Variants in CPNE5 observed in about 807,000 individuals in gnomAD.
CPNE5 encodes the protein copine-5.
In CPNE5, 42 loss-of-function variants were observed where a neutral mutation model predicts 81.1. The ratio of observed to expected loss-of-function variants is 0.52; its 90% CI spans 0.40 to 0.67. The LOEUF is 0.67. CPNE5 is among the 30% of genes least tolerant of loss of function. The probability of loss-of-function intolerance (pLI) is 0.00; values close to 1 mark genes in which losing one functional copy is unlikely to be tolerated. For missense variants in CPNE5, 612 were observed against 815.5 expected (o/e 0.75, Z 3.04); for synonymous variants, 313 against 321.5 (o/e 0.97, Z 0.28).
intron 3 of CPNE5, among the ~76,000 whole-genome samples, chr6:36,819,262 G>C (rs1771829948): frequency 6.6e-6 from 1 of 152,132 alleles, no homozygotes; most frequent in Non-Finnish European, 1.5e-5. Context: ...GCCACACCCA[G>C]CTAATTTTTG....
chr6:36,800,658 G>A lies in CPNE5; in HGVS notation c.184-588C>T, dbSNP rs546949000. ...ATCAGCTCCTCTCGAACGTGGGCTG[G>A]ACCTAGTGACACACTTGTACTGAAC... On this transcript the variant is annotated intron_variant, in intron 3 of 20. Coordinates refer to ENST00000244751, the MANE Select transcript of CPNE5 (RefSeq NM_020939.2). 3.9e-5 allele frequency among the ~76,000 whole-genome samples: 6 copies of A among 152,306 alleles called. No homozygotes were observed. In the South Asian group the frequency reaches 1.2e-3, roughly 32 times the overall value.
At chr6:36,774,829 C>T in intron 10 of CPNE5, 132 bp downstream of exon 10, 2 of 695,580 alleles carry the variant, frequency 2.9e-6, no homozygotes, top group Non-Finnish European at 5.0e-6. Context: ...GCACCCCCTA[C>T]TGCACAACTC....
intron 3 of CPNE5, among the ~76,000 whole-genome samples, chr6:36,815,218 G>C (rs932318569): frequency 1.3e-5 from 2 of 151,788 alleles, no homozygotes; most frequent in African/African-American, 4.8e-5. Context: ...GCTGTCATGT[G>C]TTTGCCATTA....
chr6:36,818,889 C>G (rs1771797239), intron 3 of CPNE5, among the ~76,000 whole-genome samples: 1 of 152,204 alleles, frequency 6.6e-6, no homozygotes, highest in Non-Finnish European at 1.5e-5. Flanking sequence ...AGAGCCCTTC[C>G]ACACTTTCCT....
At chr6:36,790,927 T>G (rs1769038170) in intron 8 of CPNE5, among the ~76,000 whole-genome samples, 1 of 152,226 alleles carries the variant, frequency 6.6e-6, no homozygotes, top group Non-Finnish European at 1.5e-5. Flanking sequence ...TTTAAAGGAA[T>G]TAATACATAC....
chr6:36,801,827 T>C (rs1770127509), intron 3 of CPNE5, among the ~76,000 whole-genome samples: 1 of 152,158 alleles, frequency 6.6e-6, no homozygotes, highest in South Asian at 2.1e-4. Flanking sequence ...GAGTTGTTTA[T>C]GGGTATAGGG....
intron 6 of CPNE5, among the ~76,000 whole-genome samples, chr6:36,797,077 T>G (rs1393031158): frequency 6.6e-6 from 1 of 152,194 alleles, no homozygotes; most frequent in Non-Finnish European, 1.5e-5. Flanking sequence ...GCTAATTTTT[T>G]TGTATTTTTA....
intron 11 of CPNE5, 100 bp downstream of exon 11, chr6:36,765,235 G>T: frequency 7.5e-7 from 1 of 1,338,722 alleles, no homozygotes; most frequent in Non-Finnish European, 1.0e-6. Context: ...CAGAGCCACT[G>T]CGGGGGGGAG....
chr6:36,815,152 T>C (rs561034795), intron 3 of CPNE5, among the ~76,000 whole-genome samples: 26 of 143,484 alleles, frequency 1.8e-4, no homozygotes, highest in African/African-American at 7.0e-4. Context: ...AGCAAGACTC[T>C]GTCTCAAAAA....
chr6:36,753,239 A>G, intron 13 of CPNE5, 144 bp from the exon 14 acceptor site: 1 of 618,384 alleles, frequency 1.6e-6, no homozygotes, highest in East Asian at 2.8e-5. Flanking sequence ...CCACCCCATG[A>G]AGTACTATTA....
chr6:36,802,217 C>CAAA (rs57677612), intron 3 of CPNE5, among the ~76,000 whole-genome samples: 9 of 56,708 alleles, frequency 1.6e-4, no homozygotes, highest in South Asian at 1.1e-3. Flanking sequence ...GACTCCATCT[C>CAAA]AAAAAAAAAA....
chr6:36,747,108 C>G (rs1451198705), intron 15 of CPNE5, among the ~76,000 whole-genome samples: 1 of 152,276 alleles, frequency 6.6e-6, no homozygotes, highest in East Asian at 1.9e-4. Context: ...GGACACTCTT[C>G]CCCAGATGTC....
chr6:36,811,940 C>T (rs1466174517), intron 3 of CPNE5, among the ~76,000 whole-genome samples: 2 of 152,028 alleles, frequency 1.3e-5, no homozygotes, highest in Non-Finnish European at 2.9e-5. Context: ...CCCATCTCTA[C>T]GAAAAATACA....
At position 36,746,130 on chromosome 6, in the gene CPNE5, G is replaced by A. The variant is rs1284909102; in HGVS notation, c.1200+266C>T. On this transcript the variant is annotated intron_variant, in intron 16 of 20. Coordinates refer to ENST00000244751, the MANE Select transcript of CPNE5 (RefSeq NM_020939.2). This position sits in a 1 kb window ranked among gnomAD's most constrained non-coding sequence, Gnocchi z 4.5. Reference sequence around the variant, plus strand: ...CTGAGGGATGGGTCAGCCACAGCTCGCCTCCACCTGCACCTGCGTCTTGTC... The same window carrying A: ...CTGAGGGATGGGTCAGCCACAGCTCACCTCCACCTGCACCTGCGTCTTGTC... The A allele has an allele frequency of 3.1e-6, 3 of 982,926 alleles. No individual in the cohort carries two copies. Among genetic ancestry groups the A allele is most frequent in the Admixed American group, 6.2e-5 (1 of 16,230 alleles). The allele number at this position is 982,926 out of a possible 1,614,324, so 60.9% of individuals were successfully genotyped here.
chr6:36,743,461 C>T (rs186370074), intron 20 of CPNE5, among the ~76,000 whole-genome samples: 19 of 152,328 alleles, frequency 1.2e-4, no homozygotes, highest in East Asian at 9.6e-4. Context: ...GCTGGGCACC[C>T]GCAATGTTAG....
intron 9 of CPNE5, among the ~76,000 whole-genome samples, chr6:36,776,716 G>A (rs996028593): frequency 5.9e-5 from 9 of 152,120 alleles, no homozygotes; most frequent in Non-Finnish European, 1.3e-4. Flanking sequence ...CCTCTCGCTT[G>A]AGAGCCAAGC....
At chr6:36,831,302 A>G (rs888968733) in intron 1 of CPNE5, among the ~76,000 whole-genome samples, 1 of 151,404 alleles carries the variant, frequency 6.6e-6, no homozygotes, top group South Asian at 2.1e-4. Context: ...TGATCTGCCC[A>G]TCTTGGCCTC....
chr6:36,788,175 C>T (rs1317700890), intron 8 of CPNE5, among the ~76,000 whole-genome samples: 5 of 151,710 alleles, frequency 3.3e-5, no homozygotes, highest in Admixed American at 1.3e-4. Flanking sequence ...GGACCACAGG[C>T]GTGCACCACC....
At chr6:36,832,747 T>C (rs578065240) in intron 1 of CPNE5, among the ~76,000 whole-genome samples, 3 of 121,136 alleles carry the variant, frequency 2.5e-5, no homozygotes, top group African/African-American at 1.0e-4. Context: ...AGCTGAATCA[T>C]TCCTACCCAA....
Sources: gnomAD v4.1 joint callset for allele counts (sites outside exome capture counted in the v4.1 genomes callset) on GRCh38, gnomAD v4.1.1 for gene constraint, Gnocchi (gnomAD v3.1) non-coding constraint, MANE v1.5 for transcripts, NCBI Gene and HGNC (gene_info 2026-07-23, HGNC 2026-07-21) for gene names.